LINGO2: variants seen among roughly 807,000 people sequenced by gnomAD.
The protein encoded by LINGO2 is leucine rich repeat and Ig domain containing 2.
In LINGO2, 14 loss-of-function variants were observed where a neutral mutation model predicts 30.6. That is an observed-to-expected ratio of 0.46 (90% CI 0.30 to 0.72). The LOEUF is 0.72. LINGO2 is among the 30% of genes least tolerant of loss of function. The pLI is 0.07. For missense variants in LINGO2, 729 were observed against 751.7 expected (o/e 0.97, Z 0.35); for synonymous variants, 317 against 288.5 (o/e 1.10, Z -1.00).
At chr9:28,523,266 T>G (rs1365626918) in intron 1 of LINGO2, among the ~76,000 whole-genome samples, 1 of 151,904 alleles carries the variant, frequency 6.6e-6, no homozygotes. Flanking sequence ...AAAATTAACA[T>G]GCTTTCATGA....
chr9:28,617,131 A>G (rs918772582), intron 1 of LINGO2, among the ~76,000 whole-genome samples: 3 of 152,160 alleles, frequency 2.0e-5, no homozygotes, highest in Admixed American at 2.0e-4. Flanking sequence ...ATGGAGTTAT[A>G]GGATTTAGCT....
At chr9:29,207,340 T>G in the LINGO2 span, among the ~76,000 whole-genome samples, 1 of 152,038 alleles carries the variant, frequency 6.6e-6, no homozygotes, top group African/African-American at 2.4e-5. Flanking sequence ...AATACAGTTT[T>G]TATGCTAATT....
chr9:28,083,578 G>A (rs1825830822), intron 4 of LINGO2, among the ~76,000 whole-genome samples: 1 of 152,066 alleles, frequency 6.6e-6, no homozygotes, highest in Admixed American at 6.6e-5. Context: ...TTCTCTTTAT[G>A]GTTGTAGGTT....
chr9:28,292,029 G>C (rs1024970179), intron 4 of LINGO2, among the ~76,000 whole-genome samples: 1 of 152,182 alleles, frequency 6.6e-6, no homozygotes, highest in Non-Finnish European at 1.5e-5. Flanking sequence ...GCTTATGGGG[G>C]AAGAAAGACC....
chr9:28,141,154 C>T (rs1353924101), intron 4 of LINGO2, among the ~76,000 whole-genome samples: 2 of 152,152 alleles, frequency 1.3e-5, no homozygotes, highest in African/African-American at 2.4e-5. Flanking sequence ...TAACTTATTT[C>T]TGTCATGATA....
At chr9:28,742,920 T>C in the LINGO2 span, among the ~76,000 whole-genome samples, 1 of 151,980 alleles carries the variant, frequency 6.6e-6, no homozygotes, top group Admixed American at 6.5e-5. Context: ...ATATATTTTA[T>C]GCAATTCTTT....
At chr9:28,416,021 T>A (rs1216444450) in intron 2 of LINGO2, among the ~76,000 whole-genome samples, 1 of 152,158 alleles carries the variant, frequency 6.6e-6, no homozygotes, top group Non-Finnish European at 1.5e-5. Flanking sequence ...TTATTTCCAT[T>A]TATCTGCTCA....
the LINGO2 span, among the ~76,000 whole-genome samples, chr9:29,131,219 T>C: frequency 6.6e-6 from 1 of 152,154 alleles, no homozygotes; most frequent in Non-Finnish European, 1.5e-5. Flanking sequence ...TTCCATTCTA[T>C]GGAACAAAAT....
At chr9:28,309,832 T>A (rs541416360) in intron 3 of LINGO2, among the ~76,000 whole-genome samples, 3 of 150,136 alleles carry the variant, frequency 2.0e-5, no homozygotes, top group African/African-American at 4.9e-5. Flanking sequence ...CAAACCAATT[T>A]AAAAAAAAAG....
the LINGO2 span, among the ~76,000 whole-genome samples, chr9:29,049,333 G>A: frequency 6.6e-6 from 1 of 152,292 alleles, no homozygotes; most frequent in Middle Eastern, 3.4e-3. Context: ...TGGGGAGGAA[G>A]TGGAAGAGGG....
the LINGO2 span, among the ~76,000 whole-genome samples, chr9:28,834,427 A>T: frequency 6.6e-6 from 1 of 152,210 alleles, no homozygotes; most frequent in Non-Finnish European, 1.5e-5. Flanking sequence ...TTAGAATAAT[A>T]TACAGAACTC....
At chr9:28,080,153 G>C (rs1003215873) in intron 4 of LINGO2, among the ~76,000 whole-genome samples, 1 of 152,062 alleles carries the variant, frequency 6.6e-6, no homozygotes, top group African/African-American at 2.4e-5. Flanking sequence ...GCCTCCCATG[G>C]GACATGTTCC....
chr9:28,876,720 G>T, the LINGO2 span, among the ~76,000 whole-genome samples: 2 of 152,048 alleles, frequency 1.3e-5, no homozygotes, highest in South Asian at 2.1e-4. Flanking sequence ...TACGTGTGCA[G>T]GTGTCTTTAT....
intron 1 of LINGO2, among the ~76,000 whole-genome samples, chr9:28,619,500 G>A (rs1163847446): frequency 6.6e-6 from 1 of 152,090 alleles, no homozygotes; most frequent in Admixed American, 6.6e-5. Flanking sequence ...GATACTGAAT[G>A]TAATTAATTT....
chr9:28,836,028 G>C, the LINGO2 span, among the ~76,000 whole-genome samples: 1 of 152,182 alleles, frequency 6.6e-6, no homozygotes, highest in Non-Finnish European at 1.5e-5. Flanking sequence ...ATAAATAATT[G>C]AGTGAGCAAA....
chr9:28,554,256 C>T (rs12380028), intron 1 of LINGO2, among the ~76,000 whole-genome samples: 1 of 151,332 alleles, frequency 6.6e-6, no homozygotes, highest in African/African-American at 2.4e-5. Flanking sequence ...GGAAACCCAT[C>T]TCACGTGCAG....
At chr9:28,977,704 C>T in the LINGO2 span, among the ~76,000 whole-genome samples, 1 of 152,068 alleles carries the variant, frequency 6.6e-6, no homozygotes, top group Non-Finnish European at 1.5e-5. Flanking sequence ...TCCCGTTTTT[C>T]CCCGTAGATG....
At chr9:28,503,975 A>G (rs1819998363) in intron 1 of LINGO2, among the ~76,000 whole-genome samples, 1 of 151,916 alleles carries the variant, frequency 6.6e-6, no homozygotes, top group Non-Finnish European at 1.5e-5. Flanking sequence ...GTTCTCCTGA[A>G]ATTTAGTGGA....
At chr9:28,055,211 C>A (rs147493394) in intron 4 of LINGO2, among the ~76,000 whole-genome samples, 10 of 152,244 alleles carry the variant, frequency 6.6e-5, no homozygotes, top group East Asian at 5.8e-4. Flanking sequence ...CAGACAATTT[C>A]TTATGAACGT....
Sources: gnomAD v4.1 joint callset for allele counts (sites outside exome capture counted in the v4.1 genomes callset) on GRCh38, gnomAD v4.1.1 for gene constraint, MANE v1.5 for transcripts, NCBI Gene and HGNC (gene_info 2026-07-23, HGNC 2026-07-21) for gene names.